STK38L: variants seen among roughly 807,000 people sequenced by gnomAD.
The protein encoded by STK38L is serine/threonine kinase 38 like.
Under a neutral mutation model 59.7 loss-of-function variants are expected in STK38L, and 28 were observed. That is an observed-to-expected ratio of 0.47 (90% CI 0.35 to 0.64). The LOEUF is 0.64. Among genes scored for constraint, STK38L ranks in the 30% least tolerant of loss-of-function variants. The probability of loss-of-function intolerance (pLI) is 0.01; values close to 1 mark genes in which losing one functional copy is unlikely to be tolerated. For synonymous variants in STK38L, 162 were observed against 176.8 expected (o/e 0.92, Z 0.66); for missense variants, 314 against 555.8 (o/e 0.56, Z 4.37).
intron 3 of STK38L, among the ~76,000 whole-genome samples, chr12:27,307,575 A>G (rs1055282971): frequency 2.0e-4 from 31 of 152,192 alleles, no homozygotes; most frequent in African/African-American, 7.0e-4. Flanking sequence ...TTTCTTTTCC[A>G]CTTAGTGTTT....
intron 2 of STK38L, among the ~76,000 whole-genome samples, chr12:27,301,511 C>T (rs1156287121): frequency 3.9e-5 from 6 of 152,202 alleles, no homozygotes; most frequent in African/African-American, 1.2e-4. Flanking sequence ...CCGCCCACCT[C>T]GGCCTCCCAA....
At position 27,319,391 on chromosome 12, in the gene STK38L, C is replaced by T. The variant is rs775997709; in HGVS notation, c.1143C>T (p.Pro381=). The T allele has an allele frequency of 1.9e-6, 3 of 1,613,070 alleles. No individual in the cohort carries two copies. In the African/African-American group the frequency reaches 4.0e-5, roughly 22 times the overall value. Residue 381 remains proline, a synonymous_variant, in exon 12 of 14, where the codon CCC becomes CCT. Transcript: ENST00000389032. ...NSGVEEIKGH[P]FFEGVDWEHI... ...GAGTAGAAGAAATAAAAGGTCATCC[C>T]TTTTTTGAAGGTGTCGACTGGGAGC...
intron 1 of STK38L, among the ~76,000 whole-genome samples, chr12:27,291,789 C>CA: frequency 6.6e-6 from 1 of 152,078 alleles, no homozygotes; most frequent in South Asian, 2.1e-4. Flanking sequence ...TACTACAAGG[C>CA]AATATAGTAG....
chr12:27,304,258 C>CAA (rs34994566), intron 3 of STK38L, among the ~76,000 whole-genome samples: 7,223 of 61,720 alleles, frequency 0.12, 329 homozygotes, highest in Non-Finnish European at 0.13. Context: ...GAGTCTGTCT[C>CAA]AAAAAAAAAA....
intron 1 of STK38L, among the ~76,000 whole-genome samples, chr12:27,292,711 A>T (rs944131139): frequency 6.6e-6 from 1 of 152,222 alleles, no homozygotes; most frequent in Non-Finnish European, 1.5e-5. Context: ...TAAACAAGAC[A>T]TACATGTATG....
intron 1 of STK38L, among the ~76,000 whole-genome samples, chr12:27,285,950 C>G (rs1448124309): frequency 1.3e-5 from 2 of 152,126 alleles, no homozygotes; most frequent in Admixed American, 6.5e-5. Context: ...AGTGGAAAAG[C>G]TATTTGAGAA....
In STK38L at chr12:27,308,893, TATATAA is replaced by T. The variant is rs1344002434; in HGVS notation, c.310-215_310-210del. On this transcript the variant is annotated intron_variant, in intron 4 of 13. Transcript: ENST00000389032. This position sits in a 1 kb window ranked among gnomAD's most constrained non-coding sequence, Gnocchi z 4.5. Reference sequence around the variant, plus strand: ...AAATATAAATATATATAAATGTAAATATATAAATATATATAAATATATATTAATATA... The same window carrying T: ...AAATATAAATATATATAAATGTAAATATATATATAAATATATATTAATATA... Among the ~76,000 whole-genome samples the T allele has an allele frequency of 2.1e-5, 3 of 145,250 alleles. No homozygotes were observed. Among genetic ancestry groups the T allele is most frequent in the Non-Finnish European group, 4.5e-5 (3 of 66,234 alleles).
intron 1 of STK38L, among the ~76,000 whole-genome samples, chr12:27,245,298 G>A (rs1039482599): frequency 6.6e-6 from 1 of 152,152 alleles, no homozygotes; most frequent in African/African-American, 2.4e-5. Context: ...TAAGTTTTGA[G>A]AGAAGCCACT....
At chr12:27,289,756 T>C (rs569529201) in intron 1 of STK38L, among the ~76,000 whole-genome samples, 42 of 152,376 alleles carry the variant, frequency 2.8e-4, no homozygotes, top group Non-Finnish European at 5.0e-4. Flanking sequence ...ATCACTCTTT[T>C]GTGAGAGAAA....
At chr12:27,295,278 G>C (rs1310923970) in intron 1 of STK38L, among the ~76,000 whole-genome samples, 10 of 152,206 alleles carry the variant, frequency 6.6e-5, no homozygotes, top group Admixed American at 6.5e-4. Context: ...TGGCTTTCCT[G>C]TGTATTATCT....
chr12:27,278,323 G>C (rs909998966), intron 1 of STK38L, among the ~76,000 whole-genome samples: 3 of 152,218 alleles, frequency 2.0e-5, no homozygotes, highest in African/African-American at 7.2e-5. Context: ...TGATCTGTTA[G>C]TTTTTATTGG....
chr12:27,281,491 A>G (rs1030569367), intron 1 of STK38L, among the ~76,000 whole-genome samples: 3 of 152,310 alleles, frequency 2.0e-5, no homozygotes, highest in Non-Finnish European at 4.4e-5. Flanking sequence ...GACGTTTTCC[A>G]GTTGAGAGGC....
chr12:27,275,665 G>A (rs1340073942), intron 1 of STK38L, among the ~76,000 whole-genome samples: 5 of 152,138 alleles, frequency 3.3e-5, no homozygotes, highest in Non-Finnish European at 5.9e-5. Context: ...TGAAGGCAGA[G>A]ATTCTGTGTC....
At chr12:27,278,934 T>C (rs1943593542) in intron 1 of STK38L, among the ~76,000 whole-genome samples, 1 of 152,134 alleles carries the variant, frequency 6.6e-6, no homozygotes. Flanking sequence ...CAAGTAGATT[T>C]CTAGAATTCA....
chr12:27,292,944 TTTTG>T (rs1943928644), intron 1 of STK38L, among the ~76,000 whole-genome samples: 1 of 152,216 alleles, frequency 6.6e-6, no homozygotes, highest in South Asian at 2.1e-4. Context: ...CTGTTGGGTT[TTTTG>T]TTTGTTTTTT....
At chr12:27,246,700 T>G (rs1942861455) in intron 1 of STK38L, among the ~76,000 whole-genome samples, 1 of 152,168 alleles carries the variant, frequency 6.6e-6, no homozygotes, top group Non-Finnish European at 1.5e-5. Context: ...CCCAAAATTT[T>G]TGTTTAAGTC....
chr12:27,297,888 T>G lies in STK38L; in HGVS notation c.134+34T>G, dbSNP rs777911604. ...AGGGCTAATCAAAACTTTTTTTAGT[T>G]AAATAAGCTGTTGTGCTGTGAGTGG... On this transcript the variant is annotated intron_variant, in intron 2 of 13. Coordinates refer to ENST00000389032, the MANE Select transcript of STK38L (RefSeq NM_015000.4). 1.1e-5 allele frequency: 17 copies of G among 1,610,718 alleles called. No homozygotes were observed. The South Asian group carries it at 1.9e-4, about 18-fold the overall frequency.
chr12:27,258,235 G>T (rs1327617215), intron 1 of STK38L, among the ~76,000 whole-genome samples: 2 of 152,196 alleles, frequency 1.3e-5, no homozygotes, highest in Non-Finnish European at 2.9e-5. Flanking sequence ...AATAAAGACA[G>T]GATTTCGTTA....
intron 1 of STK38L, among the ~76,000 whole-genome samples, chr12:27,260,265 G>C (rs1565525432): frequency 6.6e-6 from 1 of 152,058 alleles, no homozygotes; most frequent in Non-Finnish European, 1.5e-5. Context: ...CATTTCCCTT[G>C]TTATTCTTTT....
Sources: gnomAD v4.1 joint callset for allele counts (sites outside exome capture counted in the v4.1 genomes callset) on GRCh38, gnomAD v4.1.1 for gene constraint, Gnocchi (gnomAD v3.1) non-coding constraint, MANE v1.5 for transcripts, NCBI Gene and HGNC (gene_info 2026-07-23, HGNC 2026-07-21) for gene names.